The following TECRL variants were observed in gnomAD, a reference collection of about 807,000 sequenced individuals.
TECRL encodes the protein trans-2,3-enoyl-CoA reductase like.
In TECRL, 63 loss-of-function variants were observed where a neutral mutation model predicts 52.8. The observed-to-expected ratio is 1.19, with a 90% CI of 0.97 to 1.47. TECRL has a LOEUF of 1.47. TECRL is among the 40% of genes most tolerant of loss of function. TECRL has a pLI of 0.00. For synonymous variants in TECRL, 164 were observed against 141.9 expected (o/e 1.16, Z -1.10); for missense variants, 482 against 429.6 (o/e 1.12, Z -1.08).
Position 64,281,054 on chromosome 4 carries a change from T to A in TECRL, c.951A>T (p.Thr317=). 6.2e-7 allele frequency: 1 copy of A among 1,603,198 alleles called. No homozygotes were observed. Among genetic ancestry groups the A allele is most frequent in the Non-Finnish European group, 8.5e-7 (1 of 1,172,892 alleles). The part of the protein sequence containing the change: ...IGSWISFTVM[T]QTLPVGIFTL... ...TCTAGGTCTTACCTGGCAGTGTTTG[T>A]GTCATGACTGTGAAACTAATCCATG... The change falls in exon 11 of 12, where the codon ACA becomes ACT. Residue 317 remains threonine, a synonymous_variant. Coordinates refer to ENST00000381210, the MANE Select transcript of TECRL (RefSeq NM_001010874.5).
chr4:64,385,285 C>T (rs1240891193), intron 1 of TECRL, among the ~76,000 whole-genome samples: 1 of 152,130 alleles, frequency 6.6e-6, no homozygotes, highest in Non-Finnish European at 1.5e-5. Flanking sequence ...GTGAGCCAGG[C>T]CTGTCTTCAG....
intron 2 of TECRL, among the ~76,000 whole-genome samples, chr4:64,356,973 G>C (rs1442741866): frequency 6.6e-6 from 1 of 152,058 alleles, no homozygotes; most frequent in Non-Finnish European, 1.5e-5. Context: ...CAACTCTATA[G>C]TAGAAAAGGT....
Position 64,314,623 on chromosome 4 carries a change from GTGTGTGT to G in TECRL, c.551+18_551+24del, listed in dbSNP as rs1717347678. 2 of 1,129,542 alleles carry G rather than the reference GTGTGTGT, an allele frequency of 1.8e-6. No homozygotes were observed. Among genetic ancestry groups the G allele is most frequent in the East Asian group, 4.7e-5 (2 of 42,616 alleles). The allele number at this position is 1,129,542 out of a possible 1,614,324, so 70.0% of individuals were successfully genotyped here. On this transcript the variant is annotated intron_variant, in intron 5 of 11. Coordinates refer to ENST00000381210, the MANE Select transcript of TECRL (RefSeq NM_001010874.5). ...TGTGTGTGTGTGTGTGTGTGTGTGT[GTGTGTGT>G]GTGTGTGTATCACTTACTGTACCAC...
At chr4:64,340,087 G>C (rs1036974772) in intron 2 of TECRL, among the ~76,000 whole-genome samples, 7 of 152,198 alleles carry the variant, frequency 4.6e-5, no homozygotes, top group Admixed American at 2.0e-4. Flanking sequence ...GGCAGCATCA[G>C]GTCATCTGTA....
chr4:64,317,738 G>A (rs1232701381), intron 4 of TECRL, among the ~76,000 whole-genome samples: 1 of 152,122 alleles, frequency 6.6e-6, no homozygotes, highest in Non-Finnish European at 1.5e-5. Flanking sequence ...GAATACTAAT[G>A]AGTCTAGTGA....
At chr4:64,403,639 T>C (rs1486494296) in intron 1 of TECRL, among the ~76,000 whole-genome samples, 1 of 152,034 alleles carries the variant, frequency 6.6e-6, no homozygotes, top group African/African-American at 2.4e-5. Flanking sequence ...AAGTCAGAGA[T>C]ACCAGACCAT....
chr4:64,396,532 T>C (rs757034868), intron 1 of TECRL, among the ~76,000 whole-genome samples: 1 of 152,178 alleles, frequency 6.6e-6, no homozygotes, highest in Non-Finnish European at 1.5e-5. Flanking sequence ...ATTGTTTAAG[T>C]TCCTTATAGA....
At chr4:64,291,057 C>T (rs550400052) in intron 8 of TECRL, among the ~76,000 whole-genome samples, 2 of 152,152 alleles carry the variant, frequency 1.3e-5, no homozygotes, top group African/African-American at 4.8e-5. Context: ...AGTGTGTGGG[C>T]TTTTGTGGCA....
At chr4:64,354,504 G>A (rs1474904536) in intron 2 of TECRL, among the ~76,000 whole-genome samples, 2 of 149,724 alleles carry the variant, frequency 1.3e-5, no homozygotes, top group African/African-American at 5.1e-5. Context: ...GCCCAAAATA[G>A]GAGAAGTAGA....
intron 1 of TECRL, among the ~76,000 whole-genome samples, chr4:64,405,915 G>A (rs900596906): frequency 2.6e-5 from 4 of 152,100 alleles, no homozygotes; most frequent in Non-Finnish European, 5.9e-5. Flanking sequence ...AAGATAAGAC[G>A]TGAGAATAGG....
intron 1 of TECRL, among the ~76,000 whole-genome samples, chr4:64,390,571 T>C (rs1412322404): frequency 6.6e-6 from 1 of 151,876 alleles, no homozygotes; most frequent in Non-Finnish European, 1.5e-5. Flanking sequence ...TTCATCCACA[T>C]TGAGCATGTC....
intron 6 of TECRL, among the ~76,000 whole-genome samples, chr4:64,308,255 A>G (rs1428051690): frequency 6.6e-6 from 1 of 152,112 alleles, no homozygotes; most frequent in Non-Finnish European, 1.5e-5. Context: ...ATTTCCTCTT[A>G]TACCAAGATG....
At chr4:64,308,330 A>G (rs1293519262) in intron 6 of TECRL, among the ~76,000 whole-genome samples, 1 of 152,144 alleles carries the variant, frequency 6.6e-6, no homozygotes, top group African/African-American at 2.4e-5. Flanking sequence ...TGCATACTAA[A>G]TTGATCCTGA....
At chr4:64,313,033 TTAAATCTTTTTTTCTTTA>T (rs1030042716) in intron 5 of TECRL, among the ~76,000 whole-genome samples, 4 of 152,160 alleles carry the variant, frequency 2.6e-5, no homozygotes, top group African/African-American at 9.7e-5. Context: ...TGTGAGTCAA[TTAAATCTTTTTTTCTTTA>T]TAAATTACTC....
intron 9 of TECRL, among the ~76,000 whole-genome samples, chr4:64,289,305 C>T (rs1263647979): frequency 6.6e-6 from 1 of 151,920 alleles, no homozygotes; most frequent in African/African-American, 2.4e-5. Flanking sequence ...ACCATCATTA[C>T]AAAAAGAAAA....
chr4:64,335,687 CTATGA>C (rs1388715555), intron 2 of TECRL, among the ~76,000 whole-genome samples: 1 of 152,080 alleles, frequency 6.6e-6, no homozygotes, highest in Non-Finnish European at 1.5e-5. Flanking sequence ...CATTGTCCTG[CTATGA>C]TATAAAACTT....
intron 1 of TECRL, among the ~76,000 whole-genome samples, chr4:64,400,907 T>A (rs1033381461): frequency 2.0e-5 from 3 of 152,204 alleles, no homozygotes; most frequent in African/African-American, 7.2e-5. Context: ...CAGATATTTC[T>A]TCATAGCAAT....
chr4:64,347,961 A>T (rs1001547710), intron 2 of TECRL, among the ~76,000 whole-genome samples: 1 of 152,180 alleles, frequency 6.6e-6, no homozygotes, highest in African/African-American at 2.4e-5. Context: ...AAACTTTCTC[A>T]CATCTTCCTG....
At chr4:64,364,214 G>A (rs1012655529) in intron 2 of TECRL, among the ~76,000 whole-genome samples, 4 of 151,838 alleles carry the variant, frequency 2.6e-5, no homozygotes, top group African/African-American at 9.7e-5. Flanking sequence ...TTCAAAACTA[G>A]TGAAAACAAA....
Sources: gnomAD v4.1 joint callset for allele counts (sites outside exome capture counted in the v4.1 genomes callset) on GRCh38, gnomAD v4.1.1 for gene constraint, MANE v1.5 for transcripts, NCBI Gene and HGNC (gene_info 2026-07-23, HGNC 2026-07-21) for gene names.